FLNB: variants seen among roughly 807,000 people sequenced by gnomAD.
The protein encoded by FLNB is filamin B.
A neutral mutation model predicts 250.6 loss-of-function variants in FLNB; 111 were observed. That is an observed-to-expected ratio of 0.44 (90% CI 0.38 to 0.52). The LOEUF is 0.52. FLNB is among the 20% of genes least tolerant of loss of function. The probability of loss-of-function intolerance (pLI) is 0.00; values close to 1 mark genes in which losing one functional copy is unlikely to be tolerated. For synonymous variants in FLNB, 1,302 were observed against 1,372.1 expected, an observed-to-expected ratio of 0.95 and a Z score of 1.13; for missense variants, 2,869 against 3,447.8, an observed-to-expected ratio of 0.83 and a Z score of 4.20.
chr3:58,078,886 G>A (rs2097205243), intron 3 of FLNB, 72 bp downstream of exon 3: 8 of 1,161,418 alleles, frequency 6.9e-6, no homozygotes, highest in Admixed American at 3.9e-5. Flanking sequence ...GCCTTCCCGG[G>A]TCAGGCAGCC....
At chr3:58,077,003 G>T (rs376120218) in intron 1 of FLNB, 43 bp from the exon 2 acceptor site, 1 of 1,612,466 alleles carries the variant, frequency 6.2e-7, no homozygotes, top group African/African-American at 1.3e-5. Context: ...ATTTACACTT[G>T]TGTAACCCAA....
rs181063789 is a variant in FLNB, at chr3:58,135,852, A to G, written c.4672-127A>G. On this transcript the variant is annotated intron_variant, in intron 27 of 45. Transcript: ENST00000295956. ...CTACCAAAAAACAAAACAAAACTAG[A>G]TTGTATTAAGCCATCAATTCTGTCT... 14 of 981,634 alleles carry G rather than the reference A, an allele frequency of 1.4e-5. No individual in the cohort carries two copies. In the African/African-American group the frequency reaches 1.6e-4, roughly 11 times the overall value. 60.8% of individuals were successfully genotyped at this position (981,634 alleles called of 1,614,324 possible).
Position 58,146,938 on chromosome 3 carries a change from G to A in FLNB, c.5673G>A (p.Leu1891=), listed in dbSNP as rs1575457744. The part of the protein sequence containing the change: ...LPTLPGDYSI[L]VKYNDKHIPG... ...CTCTGCCAGGCGACTACAGCATTCT[G>A]GTCAAGTACAATGACAAGCACATCC... is the stretch of plus-strand genomic sequence containing the variant. The change falls in exon 34 of 46, where the codon CTG becomes CTA. Residue 1891 remains leucine (L), a synonymous_variant. Coordinates refer to ENST00000295956, the MANE Select transcript of FLNB (RefSeq NM_001457.4). The A allele has an allele frequency of 1.9e-6, 3 of 1,614,186 alleles. No individual in the cohort carries two copies. The South Asian group carries it at 3.3e-5, about 18-fold the overall frequency.
chr3:58,155,689 G>A (rs1388773546), intron 40 of FLNB, among the ~76,000 whole-genome samples: 1 of 152,184 alleles, frequency 6.6e-6, no homozygotes, highest in Non-Finnish European at 1.5e-5. Flanking sequence ...AAATTAAAAC[G>A]TAATTTTTTC....
chr3:58,148,717 G>T lies in FLNB; in HGVS notation c.5956G>T (p.Ala1986Ser), dbSNP rs1277119218. ...CATCAAGAAAAATGGCAACCATGTGGCCAACAGCCCCGTGTCTATCATGGT... is the reference window on the plus strand; with the variant it reads ...CATCAAGAAAAATGGCAACCATGTGTCCAACAGCCCCGTGTCTATCATGGT... Reference protein sequence around the residue: ...VSIKKNGNHVANSPVSIMVVQ... With the variant: ...VSIKKNGNHVSNSPVSIMVVQ... The change falls in exon 36 of 46, where the codon GCC becomes TCC. Residue 1986 changes from alanine (A) to serine (S), a missense_variant. Ala to Ser is a moderately conservative substitution (Grantham distance 99, BLOSUM62 1). Around this residue, in one of 5 missense-constraint regions of FLNB, gnomAD observed 1,084 missense variants for 1,315.5 expected, o/e 0.82. Transcript: ENST00000295956. 6.2e-7 allele frequency: 1 copy of T among 1,614,072 alleles called. No homozygotes were observed. Among genetic ancestry groups the T allele is most frequent in the South Asian group, 1.1e-5 (1 of 91,066 alleles).
At chr3:58,070,243 C>T (rs1003197129) in intron 1 of FLNB, among the ~76,000 whole-genome samples, 1 of 151,968 alleles carries the variant, frequency 6.6e-6, no homozygotes, top group Non-Finnish European at 1.5e-5. Context: ...CAGGGTTTCA[C>T]CATGTTGGCC....
intron 20 of FLNB, among the ~76,000 whole-genome samples, chr3:58,122,404 A>T (rs2097290559): frequency 2.0e-5 from 3 of 151,414 alleles, no homozygotes; most frequent in Non-Finnish European, 2.9e-5. Flanking sequence ...GAGGTGGGAT[A>T]ATCGCTTGAA....
Position 58,123,205 on chromosome 3 carries a change from C to T in FLNB, c.3239C>T (p.Pro1080Leu), listed in dbSNP as rs767777654. Residue 1080 changes from proline to leucine, a missense_variant, in exon 21 of 46, where the codon CCG becomes CTG. Coordinates refer to ENST00000295956, the MANE Select transcript of FLNB (RefSeq NM_001457.4). ...GGTCTGGGCTTAACGGTGGAAGGTCCGTGCGAGGCCAAAATCGAGTGCTCC... is the reference window on the plus strand; with the variant it reads ...GGTCTGGGCTTAACGGTGGAAGGTCTGTGCGAGGCCAAAATCGAGTGCTCC... The part of the protein sequence containing the change: ...TGGLGLTVEG[P>L]CEAKIECSDN... 2.0e-5 allele frequency: 33 copies of T among 1,613,838 alleles called. No homozygotes were observed. The highest frequency in any genetic ancestry group is 2.7e-5 in the African/African-American group (2 of 74,904).
chr3:58,085,388 T>C, intron 4 of FLNB, among the ~76,000 whole-genome samples: 1 of 152,256 alleles, frequency 6.6e-6, no homozygotes, highest in East Asian at 1.9e-4. Context: ...AGTTTTGGTC[T>C]TCTCTGTGTG....
chr3:58,104,120 G>C (rs750474826), intron 10 of FLNB, 35 bp downstream of exon 10: 2 of 1,612,416 alleles, frequency 1.2e-6, no homozygotes, highest in Admixed American at 1.7e-5. Context: ...CTTCTCTGGA[G>C]GGTGCTCGGC....
At chr3:58,081,026 T>G (rs925794460) in intron 3 of FLNB, among the ~76,000 whole-genome samples, 1 of 152,140 alleles carries the variant, frequency 6.6e-6, no homozygotes, top group Admixed American at 6.5e-5. Flanking sequence ...ACTCCTGACC[T>G]CAAGTGATTT....
At chr3:58,122,707 GCCACAGCTAGCT>G (rs75337339) in intron 20 of FLNB, among the ~76,000 whole-genome samples, 31 of 152,162 alleles carry the variant, frequency 2.0e-4, no homozygotes, top group Non-Finnish European at 4.0e-4. Context: ...AACAGCCCAA[GCCACAGCTAGCT>G]CCACAAGAGC....
At chr3:58,078,929 TTG>T in intron 3 of FLNB, 115 bp downstream of exon 3, 3 of 717,018 alleles carry the variant, frequency 4.2e-6, no homozygotes, top group Non-Finnish European at 7.5e-6. Context: ...TCAGAGAGCA[TTG>T]CCTGTGATGC....
intron 23 of FLNB, 131 bp from the exon 24 acceptor site, chr3:58,126,471 G>A (rs1021109526): frequency 3.9e-6 from 3 of 766,798 alleles, no homozygotes; most frequent in Non-Finnish European, 6.9e-6. Flanking sequence ...TTCCCTATGT[G>A]AGAGGTGTAG....
chr3:58,130,847 C>G lies in FLNB; in HGVS notation c.4329C>G (p.Phe1443Leu), dbSNP rs372181766. 10 of 1,613,330 alleles carry G rather than the reference C, an allele frequency of 6.2e-6. No individual in the cohort carries two copies. The highest frequency in any genetic ancestry group is 7.6e-6 in the Non-Finnish European group (9 of 1,179,830). Residue 1443 changes from phenylalanine to leucine, a missense_variant, in exon 25 of 46, where the codon TTC (phenylalanine) becomes TTG (leucine). Around this residue, in one of 5 missense-constraint regions of FLNB, gnomAD observed 1,348 missense variants for 1,466.7 expected, o/e 0.92. Transcript: ENST00000295956. Reference protein sequence around the residue: ...SGVRARVLQSFTVDSSKAGLA... With the variant: ...SGVRARVLQSLTVDSSKAGLA... ...TCCGAGCCCGTGTCCTGCAGTCCTT[C>G]ACGGTGGACAGCAGCAAGGCTGGCC...
At chr3:58,070,656 CTCTCTTT>C (rs112750841) in intron 1 of FLNB, among the ~76,000 whole-genome samples, 24,130 of 142,896 alleles carry the variant, frequency 0.17, 2,194 homozygotes, top group African/African-American at 0.28. Context: ...CTCTCTCTCT[CTCTCTTT>C]TTTTTTTTTT....
chr3:58,168,259 C>T (rs965877041), intron 43 of FLNB, among the ~76,000 whole-genome samples, 181 bp from the exon 44 acceptor site: 10 of 152,180 alleles, frequency 6.6e-5, no homozygotes, highest in Non-Finnish European at 1.0e-4. Context: ...AAAGGGAGCC[C>T]CCACCCCGCA....
intron 24 of FLNB, among the ~76,000 whole-genome samples, chr3:58,129,846 G>A (rs138236032): frequency 2.0e-5 from 3 of 152,314 alleles, no homozygotes; most frequent in African/African-American, 4.8e-5. Flanking sequence ...GCTGCCGTTC[G>A]CTGGATGGGG....
intron 4 of FLNB, among the ~76,000 whole-genome samples, chr3:58,094,005 C>G (rs1056268651): frequency 8.5e-5 from 13 of 152,278 alleles, no homozygotes; most frequent in Middle Eastern, 3.4e-3. Flanking sequence ...GGAGGGCTCC[C>G]TGTGCTAAAG....
Sources: gnomAD v4.1 joint callset for allele counts (sites outside exome capture counted in the v4.1 genomes callset) on GRCh38, gnomAD v4.1.1 for gene constraint, gnomAD v4.1.1 regional missense constraint, MANE v1.5 for transcripts, NCBI Gene and HGNC (gene_info 2026-07-23, HGNC 2026-07-21) for gene names.